Variants in ERBB4 observed in about 807,000 individuals in gnomAD.
The protein encoded by ERBB4 is receptor tyrosine-protein kinase erbB-4.
Under a neutral mutation model 158.0 loss-of-function variants are expected in ERBB4, and 42 were observed. That is an observed-to-expected ratio of 0.27 (90% CI 0.21 to 0.34). ERBB4 has a LOEUF of 0.34. ERBB4 is among the 10% of genes least tolerant of loss of function. ERBB4 has a pLI of 1.00. For missense variants in ERBB4, 1,333 were observed against 1,624.1 expected (o/e 0.82, Z 3.08); for synonymous variants, 583 against 558.7 (o/e 1.04, Z -0.61).
intron 1 of ERBB4, among the ~76,000 whole-genome samples, chr2:212,214,090 C>A (rs2083020876): frequency 6.6e-6 from 1 of 151,766 alleles, no homozygotes; most frequent in South Asian, 2.1e-4. Context: ...TTGCATGCTG[C>A]ATTTTATCTA....
At chr2:211,876,168 C>T (rs753269741) in intron 3 of ERBB4, among the ~76,000 whole-genome samples, 7 of 152,054 alleles carry the variant, frequency 4.6e-5, no homozygotes, top group Non-Finnish European at 1.0e-4. Context: ...GAAAAGTAGT[C>T]AAAAAATTAA....
At chr2:211,726,646 C>T (rs1336011491) in intron 5 of ERBB4, among the ~76,000 whole-genome samples, 1 of 152,160 alleles carries the variant, frequency 6.6e-6, no homozygotes, top group African/African-American at 2.4e-5. Context: ...TCTATTCTAA[C>T]TTTATTCAAA....
At chr2:212,450,302 G>A (rs1186234366) in intron 1 of ERBB4, among the ~76,000 whole-genome samples, 2 of 152,102 alleles carry the variant, frequency 1.3e-5, no homozygotes, top group Non-Finnish European at 2.9e-5. Context: ...ATGGCAATAG[G>A]GATTTTACAG....
chr2:212,140,011 T>C (rs1428836706), intron 1 of ERBB4, among the ~76,000 whole-genome samples: 3 of 151,874 alleles, frequency 2.0e-5, no homozygotes, highest in Non-Finnish European at 4.4e-5. Flanking sequence ...ACATTCTTTG[T>C]AAATGTTCAT....
intron 25 of ERBB4, among the ~76,000 whole-genome samples, chr2:211,415,679 A>G (rs1329347716): frequency 2.0e-5 from 3 of 152,174 alleles, no homozygotes; most frequent in Non-Finnish European, 4.4e-5. Flanking sequence ...CTGAGAGCAA[A>G]GTGATATGGT....
chr2:211,572,349 C>T (rs1415627201), intron 19 of ERBB4, among the ~76,000 whole-genome samples: 1 of 152,114 alleles, frequency 6.6e-6, no homozygotes, highest in Non-Finnish European at 1.5e-5. Context: ...AGGTATGACG[C>T]TAACAATCTG....
At chr2:212,190,947 T>A (rs985974758) in intron 1 of ERBB4, among the ~76,000 whole-genome samples, 3 of 152,088 alleles carry the variant, frequency 2.0e-5, no homozygotes, top group Non-Finnish European at 2.9e-5. Context: ...GCATCTCAAT[T>A]AGACTCAGTT....
chr2:211,530,364 G>C (rs2066462330), intron 20 of ERBB4, among the ~76,000 whole-genome samples: 1 of 152,002 alleles, frequency 6.6e-6, no homozygotes, highest in Non-Finnish European at 1.5e-5. Flanking sequence ...AAATTGAAAA[G>C]ATACTCCATG....
In ERBB4 at chr2:212,477,938, T is replaced by C. The variant is rs1033916670; in HGVS notation, c.82+60511A>G. On this transcript the variant is annotated intron_variant, in intron 1 of 27. Coordinates refer to ENST00000342788, the MANE Select transcript of ERBB4 (RefSeq NM_005235.3). ...AAGAACAGGGAAGTGTTCAGATGTT[T>C]ACCTGCTTATTTTTAGCCTTCATCC... is the stretch of plus-strand genomic sequence containing the variant. Among the ~76,000 whole-genome samples, 3 of 152,252 alleles carry C rather than the reference T, an allele frequency of 2.0e-5. 1 individual carries two copies. The highest frequency in any genetic ancestry group is 7.2e-5 in the African/African-American group (3 of 41,556).
chr2:211,869,549 T>C (rs2078290177), intron 3 of ERBB4, among the ~76,000 whole-genome samples: 2 of 152,208 alleles, frequency 1.3e-5, no homozygotes, highest in Admixed American at 6.5e-5. Flanking sequence ...TTAGGTTGCA[T>C]AGGCCAACTT....
intron 1 of ERBB4, among the ~76,000 whole-genome samples, chr2:212,194,776 T>G (rs1353243260): frequency 1.3e-5 from 2 of 152,046 alleles, no homozygotes; most frequent in Non-Finnish European, 2.9e-5. Context: ...GAATTTCTTA[T>G]GCAAAATGTA....
chr2:212,081,415 GAAA>G (rs2078438986), intron 2 of ERBB4, among the ~76,000 whole-genome samples: 1 of 152,086 alleles, frequency 6.6e-6, no homozygotes, highest in Non-Finnish European at 1.5e-5. Flanking sequence ...AAGTAAAACT[GAAA>G]TTGCCTTTCC....
At chr2:211,594,812 T>C (rs2068582952) in intron 19 of ERBB4, among the ~76,000 whole-genome samples, 1 of 151,896 alleles carries the variant, frequency 6.6e-6, no homozygotes, top group Admixed American at 6.5e-5. Flanking sequence ...TATGTATTCT[T>C]TCATTCCCTA....
chr2:212,210,688 G>A (rs901114533), intron 1 of ERBB4, among the ~76,000 whole-genome samples: 4 of 152,124 alleles, frequency 2.6e-5, no homozygotes, highest in Admixed American at 2.6e-4. Context: ...CAAGAGAATC[G>A]AGAGTCAGAT....
intron 2 of ERBB4, among the ~76,000 whole-genome samples, chr2:212,069,779 C>T (rs758157366): frequency 1.8e-4 from 28 of 151,514 alleles, no homozygotes; most frequent in Non-Finnish European, 3.2e-4. Flanking sequence ...AATGAAATTC[C>T]AAAAATAAAA....
chr2:211,912,023 A>G (rs2079552879), intron 3 of ERBB4, among the ~76,000 whole-genome samples: 1 of 152,034 alleles, frequency 6.6e-6, no homozygotes, highest in South Asian at 2.1e-4. Flanking sequence ...CTATTTTTCT[A>G]AAGAGGTTTT....
At chr2:212,405,423 C>T (rs1302621377) in intron 1 of ERBB4, among the ~76,000 whole-genome samples, 1 of 152,084 alleles carries the variant, frequency 6.6e-6, no homozygotes, top group East Asian at 1.9e-4. Flanking sequence ...GAAAGCAGTA[C>T]AGTGATTCCT....
chr2:212,260,081 A>AAAAAAAAAAG (rs1553606480), intron 1 of ERBB4, among the ~76,000 whole-genome samples: 5 of 148,796 alleles, frequency 3.4e-5, no homozygotes, highest in African/African-American at 1.3e-4. Flanking sequence ...AAAAAAAAAA[A>AAAAAAAAAAG]AAAAGAAAAG....
At chr2:212,243,934 A>G (rs1423125206) in intron 1 of ERBB4, among the ~76,000 whole-genome samples, 1 of 152,158 alleles carries the variant, frequency 6.6e-6, no homozygotes, top group Non-Finnish European at 1.5e-5. Flanking sequence ...TTATAGTTGT[A>G]TGAGGAAAGG....
Sources: allele counts gnomAD v4.1 joint callset (sites outside exome capture counted in the v4.1 genomes callset), GRCh38; gene constraint gnomAD v4.1.1; transcripts MANE v1.5; gene names NCBI Gene and HGNC (gene_info 2026-07-23, HGNC 2026-07-21).